Variants in ZCCHC24 observed in about 807,000 individuals in gnomAD.
ZCCHC24 encodes zinc finger CCHC domain-containing protein 24.
In ZCCHC24, 10 loss-of-function variants were observed where a neutral mutation model predicts 26.2. The observed-to-expected ratio is 0.38, with a 90% CI of 0.24 to 0.65. The LOEUF is 0.65. Among genes scored for constraint, ZCCHC24 ranks in the 30% least tolerant of loss-of-function variants. ZCCHC24 has a pLI of 0.54. For missense variants in ZCCHC24, 243 were observed against 329.1 expected (o/e 0.74, Z 2.03); for synonymous variants, 144 against 147.1 (o/e 0.98, Z 0.15).
At chr10:79,438,475 G>A (rs929212139) in intron 1 of ZCCHC24, among the ~76,000 whole-genome samples, 1 of 152,298 alleles carries the variant, frequency 6.6e-6, no homozygotes, top group South Asian at 2.1e-4. Context: ...CCTTGACTGA[G>A]GGTTTTCAGC....
intron 2 of ZCCHC24, among the ~76,000 whole-genome samples, chr10:79,427,070 A>T (rs977361222): frequency 6.7e-6 from 1 of 148,378 alleles, no homozygotes; most frequent in Non-Finnish European, 1.5e-5. Flanking sequence ...ACTTTAAAAC[A>T]AAAAAAAAAC....
intron 1 of ZCCHC24, among the ~76,000 whole-genome samples, chr10:79,440,059 T>C (rs1018347613): frequency 2.6e-5 from 4 of 151,928 alleles, no homozygotes; most frequent in African/African-American, 9.7e-5. Flanking sequence ...AGTAGACCAG[T>C]ATGGCCAGAG....
intron 2 of ZCCHC24, among the ~76,000 whole-genome samples, chr10:79,416,024 G>A (rs1272142085): frequency 1.3e-5 from 2 of 152,214 alleles, no homozygotes; most frequent in East Asian, 3.8e-4. Flanking sequence ...GACCCGGGCT[G>A]CGCATTTTTG....
In ZCCHC24 at chr10:79,445,177, G is replaced by A; in HGVS notation, c.246+18C>T. 4 of 1,269,572 alleles carry A rather than the reference G, an allele frequency of 3.2e-6. No homozygotes were observed. The highest frequency in any genetic ancestry group is 4.0e-6 in the Non-Finnish European group (4 of 1,002,942). 78.6% of individuals were successfully genotyped at this position (1,269,572 alleles called of 1,614,324 possible). ...TGGGGCGGTGGGGCGGTGGGCGGGGGCGCGCGGGGGCACCCACCTCTCCGC... is the reference window on the plus strand; with the variant it reads ...TGGGGCGGTGGGGCGGTGGGCGGGGACGCGCGGGGGCACCCACCTCTCCGC... On this transcript the variant is annotated intron_variant, in intron 1 of 3. Transcript: ENST00000372336.
Position 79,383,542 on chromosome 10 carries a change from C to T in ZCCHC24, c.*2803G>A, listed in dbSNP as rs1856350650. ...TCCAGAAATCTTTGTTTGATATTCT[C>T]TTGCCCTCCTGAAAGTTCTGAAATT... On this transcript the variant is annotated 3_prime_UTR_variant, in exon 4 of 4. Transcript: ENST00000372336. The T allele has an allele frequency of 6.6e-6, 1 of 152,270 alleles. No homozygotes were observed. The highest frequency in any genetic ancestry group is 1.5e-5 in the Non-Finnish European group (1 of 68,028). 9.4% of individuals were successfully genotyped at this position (152,270 alleles called of 1,614,324 possible). A position where few individuals can be genotyped will look rare whatever the true frequency, so the allele number is the denominator to read the frequency against.
chr10:79,439,900 C>A (rs1857268508), intron 1 of ZCCHC24, among the ~76,000 whole-genome samples: 1 of 152,118 alleles, frequency 6.6e-6, no homozygotes, highest in Non-Finnish European at 1.5e-5. Context: ...CAAGTAAAAC[C>A]CCTCAGAGAA....
chr10:79,396,102 TACA>T (rs1318448138), intron 2 of ZCCHC24, among the ~76,000 whole-genome samples: 4 of 152,362 alleles, frequency 2.6e-5, no homozygotes, highest in African/African-American at 9.6e-5. Context: ...AGTAGAAACA[TACA>T]ACATTTGTCC....
intron 2 of ZCCHC24, among the ~76,000 whole-genome samples, chr10:79,415,729 G>A (rs1856850722): frequency 6.6e-6 from 1 of 152,146 alleles, no homozygotes; most frequent in East Asian, 1.9e-4. Context: ...GAGTGACAGA[G>A]GCTGTTAGAG....
intron 2 of ZCCHC24, among the ~76,000 whole-genome samples, chr10:79,412,755 A>G (rs1326258343): frequency 6.6e-6 from 1 of 152,220 alleles, no homozygotes. Context: ...TTGAATCCCA[A>G]CTTAGCCATT....
At chr10:79,404,791 G>GCATT (rs1856687906) in intron 2 of ZCCHC24, among the ~76,000 whole-genome samples, 1 of 152,182 alleles carries the variant, frequency 6.6e-6, no homozygotes, top group Non-Finnish European at 1.5e-5. Context: ...AACATGCAAG[G>GCATT]CATTCGGGCC....
At chr10:79,440,625 G>T (rs1857281062) in intron 1 of ZCCHC24, among the ~76,000 whole-genome samples, 1 of 152,166 alleles carries the variant, frequency 6.6e-6, no homozygotes, top group South Asian at 2.1e-4. Flanking sequence ...CTCTCCCACT[G>T]ACTGGCTAGG....
At chr10:79,436,560 C>G (rs1475129461) in intron 1 of ZCCHC24, among the ~76,000 whole-genome samples, 1 of 152,218 alleles carries the variant, frequency 6.6e-6, no homozygotes, top group East Asian at 1.9e-4. Flanking sequence ...GCTCTGAAGT[C>G]GCTCTCTAAT....
At chr10:79,416,858 A>C (rs1482012371) in intron 2 of ZCCHC24, among the ~76,000 whole-genome samples, 1 of 152,154 alleles carries the variant, frequency 6.6e-6, no homozygotes, top group Non-Finnish European at 1.5e-5. Context: ...TAGAGGAGTC[A>C]ATGGGTGAAA....
At position 79,444,890 on chromosome 10, in the gene ZCCHC24, T is replaced by C. The variant is rs1055508118; in HGVS notation, c.246+305A>G. Among the ~76,000 whole-genome samples the C allele has an allele frequency of 1.4e-4, 21 of 152,036 alleles. 1 individual carries two copies. The highest frequency in any genetic ancestry group is 2.0e-4 in the Admixed American group (3 of 15,274). On this transcript the variant is annotated intron_variant, in intron 1 of 3. Coordinates refer to ENST00000372336, the MANE Select transcript of ZCCHC24 (RefSeq NM_153367.4). ...CTGAAGAAAATCCGGAGACAACCCCTCCTCAACTCCCTCCCCCAACCCCTT... is the reference window on the plus strand; with the variant it reads ...CTGAAGAAAATCCGGAGACAACCCCCCCTCAACTCCCTCCCCCAACCCCTT...
At chr10:79,420,143 G>A (rs1370772441) in intron 2 of ZCCHC24, among the ~76,000 whole-genome samples, 1 of 146,218 alleles carries the variant, frequency 6.8e-6, no homozygotes, top group Non-Finnish European at 1.5e-5. Context: ...CTGGGCCATA[G>A]GGGAACTGAC....
rs1856358152 is a variant in ZCCHC24 at position 79,384,022 on chromosome 10, T to C, written c.*2323A>G. The C allele has an allele frequency of 1.3e-5, 2 of 152,808 alleles. No homozygotes were observed. The highest frequency in any genetic ancestry group is 4.1e-4 in the South Asian group (2 of 4,828). The allele number at this position is 152,808 out of a possible 1,614,324, so 9.5% of individuals were successfully genotyped here. A position where few individuals can be genotyped will look rare whatever the true frequency, so the allele number is the denominator to read the frequency against. On this transcript the variant is annotated 3_prime_UTR_variant, in exon 4 of 4. Coordinates refer to ENST00000372336, the MANE Select transcript of ZCCHC24 (RefSeq NM_153367.4). Reference sequence around the variant, plus strand: ...AATTCTCAATGGCACCTGGCCTGCATGGCAGGGGCTTTGCTGACCACAAGA... The same window carrying C: ...AATTCTCAATGGCACCTGGCCTGCACGGCAGGGGCTTTGCTGACCACAAGA...
chr10:79,432,735 C>A lies in ZCCHC24; in HGVS notation c.270G>T (p.Lys90Asn). The change falls in exon 2 of 4, where the codon AAG (lysine) becomes AAT (asparagine). Residue 90 changes from lysine (K) to asparagine (N), a missense_variant. Lys to Asn is a moderately conservative substitution (Grantham distance 94). Transcript: ENST00000372336. ...RGEALSNSVY[K>N]GASPYGSLNN... ...TGAGGGAGCCATAGGGTGAGGCGCC[C>A]TTGTACACACTGTTGCTCAGCGCCT... The A allele has an allele frequency of 6.2e-7, 1 of 1,609,318 alleles. No individual in the cohort carries two copies. The highest frequency in any genetic ancestry group is 8.5e-7 in the Non-Finnish European group (1 of 1,178,368).
At chr10:79,395,225 C>T (rs1474773014) in intron 2 of ZCCHC24, among the ~76,000 whole-genome samples, 2 of 148,166 alleles carry the variant, frequency 1.3e-5, no homozygotes, top group African/African-American at 4.9e-5. Context: ...TTTTTTTTTA[C>T]TGAATAATAC....
At chr10:79,441,997 T>C (rs1031947971) in intron 1 of ZCCHC24, among the ~76,000 whole-genome samples, 3 of 152,068 alleles carry the variant, frequency 2.0e-5, no homozygotes, top group Non-Finnish European at 4.4e-5. Context: ...CCCTTTACGG[T>C]TGTGAATTTA....
Sources: allele counts gnomAD v4.1 joint callset (sites outside exome capture counted in the v4.1 genomes callset), GRCh38; gene constraint gnomAD v4.1.1; transcripts MANE v1.5; gene names NCBI Gene and HGNC (gene_info 2026-07-23, HGNC 2026-07-21).